The following DCDC2 variants were observed in gnomAD, a reference collection of about 807,000 sequenced individuals.
DCDC2 encodes the protein doublecortin domain containing 2, also known as doublecortin domain-containing protein 2.
Under a neutral mutation model 50.2 loss-of-function variants are expected in DCDC2, and 40 were observed. The observed-to-expected ratio is 0.80, with a 90% CI of 0.62 to 1.04. The LOEUF (loss-of-function observed/expected upper bound fraction) is 1.04. DCDC2 is among the 50% of genes least tolerant of loss of function. The pLI, the probability that DCDC2 is intolerant of heterozygous loss-of-function variation, is 0.00. For missense variants in DCDC2, 570 were observed against 581.9 expected, an observed-to-expected ratio of 0.98 and a Z score of 0.21; for synonymous variants, 234 against 210.6, an observed-to-expected ratio of 1.11 and a Z score of -0.96.
chr6:24,207,825 C>T (rs115851267), intron 7 of DCDC2, among the ~76,000 whole-genome samples: 150 of 152,318 alleles, frequency 9.8e-4, no homozygotes, highest in Non-Finnish European at 1.5e-3. Flanking sequence ...CCTACACCCA[C>T]GTGTCCTCAC....
chr6:24,309,408 A>C (rs1001769897), intron 2 of DCDC2, among the ~76,000 whole-genome samples: 6 of 152,300 alleles, frequency 3.9e-5, no homozygotes, highest in Non-Finnish European at 7.4e-5. Flanking sequence ...ACATATATAA[A>C]ACTAAAATAT....
chr6:24,240,151 T>C (rs1315164917), intron 7 of DCDC2, among the ~76,000 whole-genome samples: 2 of 152,146 alleles, frequency 1.3e-5, no homozygotes, highest in African/African-American at 4.8e-5. Flanking sequence ...GATTAACCAA[T>C]TAGAAAATCA....
At chr6:24,295,491 A>T (rs1464276592) in intron 4 of DCDC2, among the ~76,000 whole-genome samples, 1 of 152,144 alleles carries the variant, frequency 6.6e-6, no homozygotes, top group East Asian at 1.9e-4. Context: ...CAAGACAAAG[A>T]ATTAAAGGGC....
At chr6:24,239,514 G>A (rs528916211) in intron 7 of DCDC2, among the ~76,000 whole-genome samples, 2 of 152,286 alleles carry the variant, frequency 1.3e-5, no homozygotes, top group African/African-American at 2.4e-5. Flanking sequence ...CTGTAACACC[G>A]AGGCAGGCAT....
At chr6:24,204,963 T>C in intron 8 of DCDC2, 39 bp downstream of exon 8, 2 of 1,572,746 alleles carry the variant, frequency 1.3e-6, no homozygotes, top group East Asian at 2.2e-5. Flanking sequence ...AAAAACACTA[T>C]AATTGTCTTA....
intron 8 of DCDC2, among the ~76,000 whole-genome samples, chr6:24,189,451 C>T (rs73391963): frequency 0.023 from 3,477 of 152,234 alleles, 108 homozygotes; most frequent in African/African-American, 0.075. Flanking sequence ...ATGACTTACA[C>T]TTTAAACTCA....
At position 24,178,180 on chromosome 6, in the gene DCDC2, T is replaced by C; in HGVS notation, c.1326+150A>G. ...TTAAATGGTTGAAATAACTAGTAAG[T>C]AAAGGGATTAAATGGTATTGGATCT... On this transcript the variant is annotated intron_variant, in intron 9 of 9. Coordinates refer to ENST00000378454, the MANE Select transcript of DCDC2 (RefSeq NM_016356.5). The C allele has an allele frequency of 9.1e-6, 7 of 768,120 alleles. No homozygotes were observed. The South Asian group carries it at 1.2e-4, about 13-fold the overall frequency. The allele number at this position is 768,120 out of a possible 1,614,324, so 47.6% of individuals were successfully genotyped here.
At chr6:24,331,353 T>C (rs1188057797) in intron 2 of DCDC2, among the ~76,000 whole-genome samples, 10 of 151,744 alleles carry the variant, frequency 6.6e-5, no homozygotes, top group Admixed American at 6.6e-4. Flanking sequence ...CAGGCTAGAG[T>C]TCAGTAGCAC....
At chr6:24,270,716 T>C (rs897743239) in intron 7 of DCDC2, among the ~76,000 whole-genome samples, 1 of 152,116 alleles carries the variant, frequency 6.6e-6, no homozygotes, top group South Asian at 2.1e-4. Flanking sequence ...CCTGTCACCC[T>C]CTATGATAGG....
chr6:24,280,901 C>T (rs1269667089), intron 6 of DCDC2, among the ~76,000 whole-genome samples: 1 of 152,076 alleles, frequency 6.6e-6, no homozygotes, highest in Non-Finnish European at 1.5e-5. Context: ...CGTTAGCAAG[C>T]TTACTAGAAT....
At chr6:24,364,209 T>C in the DCDC2 span, among the ~76,000 whole-genome samples, 1 of 152,176 alleles carries the variant, frequency 6.6e-6, no homozygotes, top group Non-Finnish European at 1.5e-5. Context: ...ACCCCCAACA[T>C]ATTACATATT....
At chr6:24,371,950 G>C in the DCDC2 span, among the ~76,000 whole-genome samples, 4 of 152,144 alleles carry the variant, frequency 2.6e-5, no homozygotes, top group Non-Finnish European at 5.9e-5. Flanking sequence ...TTAGAATTGC[G>C]ATCATTAAAA....
chr6:24,359,515 T>C (rs1313689716), upstream of DCDC2, among the ~76,000 whole-genome samples: 4 of 104,642 alleles, frequency 3.8e-5, 1 homozygote, highest in Non-Finnish European at 5.4e-5. Flanking sequence ...TTATATATTA[T>C]ATATATTTTA....
intron 8 of DCDC2, among the ~76,000 whole-genome samples, chr6:24,183,587 C>A (rs1451719392): frequency 1.3e-5 from 2 of 152,134 alleles, no homozygotes; most frequent in Non-Finnish European, 2.9e-5. Context: ...GGCCCAGAGA[C>A]AAGTTTCCTT....
chr6:24,379,956 C>T, the DCDC2 span, among the ~76,000 whole-genome samples: 76 of 150,626 alleles, frequency 5.0e-4, 1 homozygote, highest in Non-Finnish European at 4.6e-4. Flanking sequence ...AACCAAACAC[C>T]GCATGTTCTC....
At chr6:24,247,335 T>TATATA (rs29001507) in intron 7 of DCDC2, among the ~76,000 whole-genome samples, 1 of 150,940 alleles carries the variant, frequency 6.6e-6, no homozygotes, top group Non-Finnish European at 1.5e-5. Context: ...TTAACTATTT[T>TATATA]TATATATATA....
At position 24,357,949 on chromosome 6, in the gene DCDC2, G is replaced by A. The variant is rs147909381; in HGVS notation, c.-199C>T. On this transcript the variant is annotated 5_prime_UTR_variant, in exon 1 of 10. Coordinates refer to ENST00000378454, the MANE Select transcript of DCDC2 (RefSeq NM_016356.5). ...GAGACACTAGGAGCTTGCAGGACTC[G>A]GAGTAGACGCTCAAGTTTTTCACCG... The A allele has an allele frequency of 3.7e-4, 556 of 1,501,198 alleles. 2 individuals are homozygous for A. The African/African-American group carries it at 6.9e-3, about 19-fold the overall frequency. The allele number at this position is 1,501,198 out of a possible 1,614,324, so 93.0% of individuals were successfully genotyped here.
At chr6:24,247,225 T>C (rs748722316) in intron 7 of DCDC2, among the ~76,000 whole-genome samples, 5 of 152,136 alleles carry the variant, frequency 3.3e-5, no homozygotes, top group Non-Finnish European at 7.4e-5. Context: ...GTTAAGGTAG[T>C]TTGATTTAAG....
upstream of DCDC2, among the ~76,000 whole-genome samples, chr6:24,359,223 T>TATATATAA (rs1760589470): frequency 1.6e-5 from 1 of 63,216 alleles, no homozygotes; most frequent in Non-Finnish European, 2.5e-5. Flanking sequence ...ATTATATATT[T>TATATATAA]TATATATTTT....
Sources: allele counts gnomAD v4.1 joint callset (sites outside exome capture counted in the v4.1 genomes callset), GRCh38; gene constraint gnomAD v4.1.1; transcripts MANE v1.5; gene names NCBI Gene and HGNC (gene_info 2026-07-23, HGNC 2026-07-21).